The following IPCEF1 variants were observed in gnomAD, a reference collection of about 807,000 sequenced individuals.
IPCEF1 encodes the protein interactor protein for cytohesin exchange factors 1.
IPCEF1 carries 31 observed loss-of-function variants against 50.9 expected under a neutral mutation model. That is an observed-to-expected ratio of 0.61 (90% CI 0.46 to 0.82). The LOEUF is 0.82. Ranked by LOEUF, IPCEF1 falls within the 40% of genes least tolerant of loss-of-function variation. The pLI is 0.00. For missense variants in IPCEF1, 458 were observed against 514.0 expected, an observed-to-expected ratio of 0.89 and a Z score of 1.05; for synonymous variants, 181 against 192.0, an observed-to-expected ratio of 0.94 and a Z score of 0.47.
chr6:154,195,210 C>T (rs1221011312), intron 10 of IPCEF1, among the ~76,000 whole-genome samples: 1 of 147,988 alleles, frequency 6.8e-6, no homozygotes, highest in Non-Finnish European at 1.5e-5. Context: ...TGCAGTGGCA[C>T]GATCTCGGCT....
At chr6:154,211,243 C>T (rs1025420313) in intron 9 of IPCEF1, among the ~76,000 whole-genome samples, 2 of 151,864 alleles carry the variant, frequency 1.3e-5, no homozygotes, top group African/African-American at 4.8e-5. Flanking sequence ...GGTGAAATCC[C>T]GTCTCTACTA....
intron 1 of IPCEF1, among the ~76,000 whole-genome samples, chr6:154,302,039 T>C (rs1380582890): frequency 6.6e-6 from 1 of 152,212 alleles, no homozygotes; most frequent in Non-Finnish European, 1.5e-5. Context: ...TGTGAGTTTA[T>C]AGATAGACAA....
intron 2 of IPCEF1, among the ~76,000 whole-genome samples, chr6:154,288,523 T>C (rs898735333): frequency 9.2e-5 from 14 of 151,560 alleles, no homozygotes; most frequent in African/African-American, 2.7e-4. Flanking sequence ...ATTAACCCGG[T>C]GTGGCGGCAG....
At chr6:154,316,710 A>T (rs1445856444) in intron 1 of IPCEF1, among the ~76,000 whole-genome samples, 1 of 152,242 alleles carries the variant, frequency 6.6e-6, no homozygotes, top group Non-Finnish European at 1.5e-5. Flanking sequence ...TGGTAAGTAC[A>T]GTTAATAACG....
At position 154,191,130 on chromosome 6, in the gene IPCEF1, A is replaced by G. The variant is rs146238372; in HGVS notation, c.910+8538T>C. Among the ~76,000 whole-genome samples, 66 of 152,328 alleles carry G rather than the reference A, an allele frequency of 4.3e-4. 1 individual carries two copies. In the East Asian group the frequency reaches 0.012, roughly 29 times the overall value. On this transcript the variant is annotated intron_variant, in intron 10 of 11. Transcript: ENST00000367220. Reference sequence around the variant, plus strand: ...TAAATTCATATTACCAAATGAAAGAAGCCAATCTGAAAAGGGTACATACCA... The same window carrying G: ...TAAATTCATATTACCAAATGAAAGAGGCCAATCTGAAAAGGGTACATACCA...
At chr6:154,202,409 G>A (rs977693436) in intron 9 of IPCEF1, among the ~76,000 whole-genome samples, 5 of 152,024 alleles carry the variant, frequency 3.3e-5, no homozygotes, top group Non-Finnish European at 7.4e-5. Context: ...CAAATAAATG[G>A]CAGGAATAGT....
At chr6:154,203,090 A>C (rs1175275119) in intron 9 of IPCEF1, among the ~76,000 whole-genome samples, 1 of 152,216 alleles carries the variant, frequency 6.6e-6, no homozygotes, top group Non-Finnish European at 1.5e-5. Context: ...ATTCTGGAGA[A>C]ACCAATAGCC....
chr6:154,200,152 CAAT>C, intron 9 of IPCEF1, 112 bp from the exon 10 acceptor site: 2 of 974,094 alleles, frequency 2.1e-6, no homozygotes, highest in Non-Finnish European at 2.9e-6. Context: ...AAAAAGTGAC[CAAT>C]AATAAAAGAG....
chr6:154,206,294 G>A (rs1216290458), intron 9 of IPCEF1, among the ~76,000 whole-genome samples: 6 of 152,186 alleles, frequency 3.9e-5, no homozygotes, highest in Non-Finnish European at 5.9e-5. Flanking sequence ...AGAGTCAAAT[G>A]AAATCATTCT....
rs150840520 is a variant in IPCEF1, at chr6:154,326,391, G to A, written c.-62+30281C>T. ...CAAAGTCACAGGATACAAAATCAAT[G>A]TGCAAAAATCACTAGCATTCCTATA... is the stretch of plus-strand genomic sequence containing the variant. On this transcript the variant is annotated intron_variant, in intron 1 of 11. Transcript: ENST00000367220. Among the ~76,000 whole-genome samples, 508 of 152,180 alleles carry A rather than the reference G, an allele frequency of 3.3e-3. 1 individual carries two copies. Among genetic ancestry groups the A allele is most frequent in the African/African-American group, 0.012 (485 of 41,516 alleles).
At chr6:154,277,036 T>C (rs1195486062) in intron 2 of IPCEF1, among the ~76,000 whole-genome samples, 2 of 152,152 alleles carry the variant, frequency 1.3e-5, no homozygotes, top group Non-Finnish European at 2.9e-5. Flanking sequence ...GCAATACAGC[T>C]CTCAGAAAGA....
At chr6:154,309,196 G>C (rs1012897554) in intron 1 of IPCEF1, among the ~76,000 whole-genome samples, 2 of 152,124 alleles carry the variant, frequency 1.3e-5, no homozygotes, top group Non-Finnish European at 2.9e-5. Context: ...CTTTCCCTGA[G>C]CTGTCTGAGT....
At chr6:154,207,686 T>C (rs1009975624) in intron 9 of IPCEF1, among the ~76,000 whole-genome samples, 2 of 152,238 alleles carry the variant, frequency 1.3e-5, no homozygotes, top group South Asian at 4.1e-4. Flanking sequence ...TCCTCCTCTG[T>C]CGCTGGCCAA....
chr6:154,190,651 T>A (rs1801792148), intron 10 of IPCEF1, among the ~76,000 whole-genome samples: 1 of 152,196 alleles, frequency 6.6e-6, no homozygotes, highest in Non-Finnish European at 1.5e-5. Flanking sequence ...GCAATTGTAC[T>A]CATTGCTATT....
intron 2 of IPCEF1, among the ~76,000 whole-genome samples, chr6:154,288,705 A>G (rs1782436537): frequency 2.7e-5 from 4 of 145,518 alleles, no homozygotes; most frequent in Non-Finnish European, 4.5e-5. Flanking sequence ...AAAAAAAAAA[A>G]CTGTAAAAAG....
intron 10 of IPCEF1, among the ~76,000 whole-genome samples, chr6:154,177,352 A>G (rs993795491): frequency 6.6e-6 from 1 of 152,228 alleles, no homozygotes; most frequent in Non-Finnish European, 1.5e-5. Context: ...TGAACAGGCA[A>G]CCTACAGAAT....
chr6:154,229,889 G>A (rs765521730), intron 5 of IPCEF1, among the ~76,000 whole-genome samples: 30 of 152,174 alleles, frequency 2.0e-4, no homozygotes, highest in Admixed American at 1.2e-3. Flanking sequence ...ATCATGAAAA[G>A]GAGCAAACCA....
chr6:154,336,718 C>A (rs531691467), intron 1 of IPCEF1, among the ~76,000 whole-genome samples: 1 of 152,284 alleles, frequency 6.6e-6, no homozygotes, highest in South Asian at 2.1e-4. Flanking sequence ...ATCCTCCTGC[C>A]TCAGCCTCCC....
At chr6:154,179,548 A>T (rs547030821) in intron 10 of IPCEF1, among the ~76,000 whole-genome samples, 3 of 152,250 alleles carry the variant, frequency 2.0e-5, no homozygotes, top group South Asian at 4.1e-4. Context: ...TCTGACAGTC[A>T]AGTGTTTCCA....
Sources: allele counts gnomAD v4.1 joint callset (sites outside exome capture counted in the v4.1 genomes callset), GRCh38; gene constraint gnomAD v4.1.1; transcripts MANE v1.5; gene names NCBI Gene and HGNC (gene_info 2026-07-23, HGNC 2026-07-21).